The following MARVELD2 variants were observed in gnomAD, a reference collection of about 807,000 sequenced individuals.
The protein encoded by MARVELD2 is MARVEL domain-containing protein 2.
MARVELD2 carries 49 observed loss-of-function variants against 57.6 expected under a neutral mutation model. The ratio of observed to expected loss-of-function variants is 0.85; its 90% confidence interval spans 0.68 to 1.08. MARVELD2 has a LOEUF of 1.08. MARVELD2 is among the 50% of genes least tolerant of loss of function. MARVELD2 has a pLI of 0.00. For synonymous variants in MARVELD2, 238 were observed against 258.8 expected, an observed-to-expected ratio of 0.92 and a Z score of 0.77; for missense variants, 606 against 701.1, an observed-to-expected ratio of 0.86 and a Z score of 1.53.
chr5:69,435,289 C>T (rs2150929304), intron 5 of MARVELD2, among the ~76,000 whole-genome samples: 1 of 152,048 alleles, frequency 6.6e-6, no homozygotes, highest in East Asian at 2.0e-4. Context: ...GCTGGTATTA[C>T]AGGCATGAGC....
intron 3 of MARVELD2, among the ~76,000 whole-genome samples, chr5:69,427,331 A>T (rs565350361): frequency 2.6e-5 from 4 of 152,078 alleles, no homozygotes; most frequent in African/African-American, 9.6e-5. Context: ...ATACACTCAA[A>T]GGGAGAGAGA....
At chr5:69,441,435 T>C (rs2150935225) in intron 6 of MARVELD2, 97 bp from the exon 7 acceptor site, 1 of 1,410,000 alleles carries the variant, frequency 7.1e-7, no homozygotes. Context: ...GTAGAGACTT[T>C]TGCTATGTAT....
At chr5:69,439,301 C>T (rs1767256511) in intron 5 of MARVELD2, among the ~76,000 whole-genome samples, 1 of 151,672 alleles carries the variant, frequency 6.6e-6, no homozygotes, top group Non-Finnish European at 1.5e-5. Context: ...GCTGAGATTA[C>T]AGGTGCCCGC....
intron 5 of MARVELD2, among the ~76,000 whole-genome samples, chr5:69,437,937 G>A (rs772342823): frequency 3.9e-5 from 6 of 152,150 alleles, no homozygotes; most frequent in South Asian, 2.1e-4. Flanking sequence ...CCCAATGGCA[G>A]GCCCACGGTT....
chr5:69,434,269 G>A (rs1159660098), intron 5 of MARVELD2, among the ~76,000 whole-genome samples: 2 of 152,190 alleles, frequency 1.3e-5, no homozygotes, highest in East Asian at 3.9e-4. Flanking sequence ...TGCAAGACCA[G>A]CCTGGACAAC....
rs774614326 is a variant in MARVELD2, at chr5:69,432,550, C to T, written c.1206C>T (p.Asp402=). 1 of 1,614,158 alleles carries T rather than the reference C, an allele frequency of 6.2e-7. No individual in the cohort carries two copies. The highest frequency in any genetic ancestry group is 8.5e-7 in the Non-Finnish European group (1 of 1,180,014). ...RKMCEMATSG[D]RQRDSEVNFK... ...AGTGTGAAATGGCCACCAGTGGTGA[C>T]AGACAAAGAGACTCAGAAGTTAATT... Residue 402 remains aspartate, a synonymous_variant, in exon 4 of 7, where the codon GAC becomes GAT. Coordinates refer to ENST00000325631, the MANE Select transcript of MARVELD2 (RefSeq NM_001038603.3).
intron 3 of MARVELD2, 93 bp downstream of exon 3, chr5:69,424,729 G>A: frequency 1.9e-6 from 2 of 1,044,066 alleles, no homozygotes; most frequent in Non-Finnish European, 2.9e-6. Flanking sequence ...GTACATCTGT[G>A]AAATGTAGCT....
Position 69,441,688 on chromosome 5 carries a change from AT to A in MARVELD2, c.*38del. ...TGAAACCACTTTATTTTTTTATTTT[AT>A]TTTATTTTTTTGAGATGAAGTCTCG... On this transcript the variant is annotated 3_prime_UTR_variant, in exon 7 of 7. Transcript: ENST00000325631. 4 of 1,456,106 alleles carry A rather than the reference AT, an allele frequency of 2.7e-6. No homozygotes were observed. Among genetic ancestry groups the A allele is most frequent in the Non-Finnish European group, 2.9e-6 (3 of 1,051,946 alleles). The allele number at this position is 1,456,106 out of a possible 1,614,324, so 90.2% of individuals were successfully genotyped here.
At chr5:69,424,788 G>T in intron 3 of MARVELD2, 152 bp downstream of exon 3, 1 of 660,950 alleles carries the variant, frequency 1.5e-6, no homozygotes. Flanking sequence ...ACTTTGGGAG[G>T]CTGAGGAGGG....
In MARVELD2 at chr5:69,436,402, A is replaced by AACACACACACAC. The variant is rs66984523; in HGVS notation, c.1503+3349_1503+3360dup. 3.0e-3 allele frequency among the ~76,000 whole-genome samples: 366 copies of AACACACACACAC among 123,852 alleles called. 1 individual carries two copies. The highest frequency in any genetic ancestry group is 9.4e-3 in the Admixed American group (106 of 11,324). 81.3% of individuals were successfully genotyped at this position (123,852 alleles called of 152,430 possible). On this transcript the variant is annotated intron_variant, in intron 5 of 6. Coordinates refer to ENST00000325631, the MANE Select transcript of MARVELD2 (RefSeq NM_001038603.3). ...ACTAAATGTCAAATTTATGTATGGG[A>AACACACACACAC]ACACACACACACACACACACACACA... is the stretch of plus-strand genomic sequence containing the variant.
intron 1 of MARVELD2, among the ~76,000 whole-genome samples, chr5:69,417,869 G>A (rs1320784045): frequency 6.6e-6 from 1 of 151,524 alleles, no homozygotes; most frequent in African/African-American, 2.4e-5. Flanking sequence ...AACCTGGGAG[G>A]CGGAGCTTGC....
chr5:69,418,741 T>C (rs1461873716), intron 1 of MARVELD2, among the ~76,000 whole-genome samples: 7 of 152,182 alleles, frequency 4.6e-5, no homozygotes, highest in African/African-American at 1.7e-4. Context: ...GAAGAATATT[T>C]GCTGACCCAT....
chr5:69,425,385 A>AG (rs1217568681), intron 3 of MARVELD2, among the ~76,000 whole-genome samples: 1 of 148,134 alleles, frequency 6.8e-6, no homozygotes, highest in African/African-American at 2.4e-5. Flanking sequence ...CCTAAAACTT[A>AG]AAGTATAATA....
intron 5 of MARVELD2, 57 bp downstream of exon 5, chr5:69,433,150 T>C: frequency 1.1e-6 from 1 of 922,924 alleles, no homozygotes; most frequent in Non-Finnish European, 1.7e-6. Context: ...GAATAAAATC[T>C]GGCTTTTTTT....
Position 69,432,670 on chromosome 5 carries a change from T to C in MARVELD2, c.1326T>C (p.Tyr442=), listed in dbSNP as rs1394848785. 6.2e-7 allele frequency: 1 copy of C among 1,614,082 alleles called. No homozygotes were observed. The highest frequency in any genetic ancestry group is 1.7e-5 in the Admixed American group (1 of 60,002). The change falls in exon 4 of 7, where the codon TAT becomes TAC. Residue 442 remains tyrosine (Y), a synonymous_variant. Coordinates refer to ENST00000325631, the MANE Select transcript of MARVELD2 (RefSeq NM_001038603.3). ...CTAAACCTATCGTGATGCCCGACTA[T>C]GTGGCGTGAGTGTCAGTCTGAATTC... is the stretch of plus-strand genomic sequence containing the variant. ...HIPKPIVMPD[Y]VAKYPVIQTD...
At chr5:69,432,896 A>G (rs1271897470) in intron 4 of MARVELD2, 26 bp from the exon 5 acceptor site, 2 of 1,613,822 alleles carry the variant, frequency 1.2e-6, no homozygotes, top group Non-Finnish European at 8.5e-7. Flanking sequence ...AAACAATTAT[A>G]TCTTTGGCTT....
At chr5:69,438,553 G>A (rs1003439742) in intron 5 of MARVELD2, among the ~76,000 whole-genome samples, 4 of 151,220 alleles carry the variant, frequency 2.6e-5, no homozygotes, top group Non-Finnish European at 5.9e-5. Flanking sequence ...TTCAAGATGA[G>A]CTTGGGCAAC....
Position 69,441,792 on chromosome 5 carries a change from C to G in MARVELD2, c.*138C>G. On this transcript the variant is annotated 3_prime_UTR_variant, in exon 7 of 7. Coordinates refer to ENST00000325631, the MANE Select transcript of MARVELD2 (RefSeq NM_001038603.3). ...CCACCTCCCGGGTTCAAGCAATTCT[C>G]CTGTTCAAGCAATTAGCCTCCCCAG... 1 of 596,294 alleles carries G rather than the reference C, an allele frequency of 1.7e-6. No homozygotes were observed. Among genetic ancestry groups the G allele is most frequent in the South Asian group, 2.0e-5 (1 of 51,134 alleles). 36.9% of individuals were successfully genotyped at this position (596,294 alleles called of 1,614,324 possible). A position where few individuals can be genotyped will look rare whatever the true frequency, so the allele number is the denominator to read the frequency against.
At chr5:69,427,168 AT>A (rs1158531154) in intron 3 of MARVELD2, among the ~76,000 whole-genome samples, 1 of 152,188 alleles carries the variant, frequency 6.6e-6, no homozygotes, top group Non-Finnish European at 1.5e-5. Flanking sequence ...GAAATAATAG[AT>A]ATAAGATCAC....
Sources: gnomAD v4.1 joint callset for allele counts (sites outside exome capture counted in the v4.1 genomes callset) on GRCh38, gnomAD v4.1.1 for gene constraint, MANE v1.5 for transcripts, NCBI Gene and HGNC (gene_info 2026-07-23, HGNC 2026-07-21) for gene names.